CPLANE1: variants seen among roughly 807,000 people sequenced by gnomAD.
CPLANE1 encodes ciliogenesis and planar polarity effector 1.
In CPLANE1, 263 loss-of-function variants were observed where a neutral mutation model predicts 362.5. That is an observed-to-expected ratio of 0.73 (90% CI 0.66 to 0.80). CPLANE1 has a LOEUF of 0.80. CPLANE1 is among the 30% of genes least tolerant of loss of function. The pLI, the probability that CPLANE1 is intolerant of heterozygous loss-of-function variation, is 0.00. For missense variants in CPLANE1, 3,461 were observed against 3,793.4 expected (o/e 0.91, Z 2.30); for synonymous variants, 1,212 against 1,302.6 (o/e 0.93, Z 1.50).
At chr5:37,175,860 T>C (rs1352393811) in intron 31 of CPLANE1, 49 bp downstream of exon 31, 1 of 1,299,470 alleles carries the variant, frequency 7.7e-7, no homozygotes, top group Non-Finnish European at 1.1e-6. Context: ...ACTCTGTGAT[T>C]TGTAAAACAC....
chr5:37,174,902 G>C (rs961204454), intron 31 of CPLANE1, among the ~76,000 whole-genome samples: 5 of 152,144 alleles, frequency 3.3e-5, no homozygotes, highest in Non-Finnish European at 7.4e-5. Context: ...GTTGCTCCTT[G>C]AGAATCATGT....
At position 37,157,396 on chromosome 5, in the gene CPLANE1, C is replaced by T. The variant is rs1467074650; in HGVS notation, c.8036G>A (p.Gly2679Glu). 2.8e-6 allele frequency: 4 copies of T among 1,439,012 alleles called. No homozygotes were observed. In the African/African-American group the frequency reaches 4.2e-5, roughly 15 times the overall value. 89.1% of individuals were successfully genotyped at this position (1,439,012 alleles called of 1,614,324 possible). A position where few individuals can be genotyped will look rare whatever the true frequency, so the allele number is the denominator to read the frequency against. ...TGTAATGCCTGCTCTCAAGCTTTTTCCATCCAGACAAGCTGGAGTTACTTC... is the reference window on the plus strand; with the variant it reads ...TGTAATGCCTGCTCTCAAGCTTTTTTCATCCAGACAAGCTGGAGTTACTTC... Reference protein sequence around the residue: ...SQEVTPACLDGKSLRAGITEV... With the variant: ...SQEVTPACLDEKSLRAGITEV... The change falls in exon 41 of 53, where the codon GGA becomes GAA. Residue 2679 changes from glycine (G) to glutamate (E), a missense_variant. Gly to Glu is a moderately conservative substitution (Grantham distance 98). Coordinates refer to ENST00000651892, the MANE Select transcript of CPLANE1 (RefSeq NM_001384732.1).
chr5:37,217,745 G>T (rs1039001511), intron 15 of CPLANE1, among the ~76,000 whole-genome samples: 2 of 151,938 alleles, frequency 1.3e-5, no homozygotes, highest in African/African-American at 2.4e-5. Context: ...GGGAGGCCGA[G>T]GGGGGAGGAT....
chr5:37,153,777 A>G lies in CPLANE1; in HGVS notation c.8336T>C (p.Phe2779Ser). The change falls in exon 42 of 53, where the codon TTC becomes TCC. Residue 2779 changes from phenylalanine (F) to serine (S), a missense_variant. Transcript: ENST00000651892. ...TAGATCTAGCATTTCAGGCTTGGGG[A>G]AATCCTGTTCTATGTTTTCAGCAAT... Reference protein sequence around the residue: ...QNIAENIEQDFPKPEMLDLHC... With the variant: ...QNIAENIEQDSPKPEMLDLHC... 2 of 1,613,110 alleles carry G rather than the reference A, an allele frequency of 1.2e-6. No homozygotes were observed. Among genetic ancestry groups the G allele is most frequent in the Non-Finnish European group, 1.7e-6 (2 of 1,179,452 alleles).
intron 42 of CPLANE1, among the ~76,000 whole-genome samples, chr5:37,151,078 A>C (rs1204266934): frequency 6.6e-6 from 1 of 152,134 alleles, no homozygotes; most frequent in East Asian, 1.9e-4. Flanking sequence ...AGAAAATCCC[A>C]ATCGCTTGAC....
At position 37,116,485 on chromosome 5, in the gene CPLANE1, C is replaced by CAA. The variant is rs70976277; in HGVS notation, c.9311-1438_9311-1437dup. The stretch of plus-strand genomic sequence containing the variant: ...TGGGTGACAGAGCAAGACTCTGCCT[C>CAA]AAAAAAAAAAAAAAAAAAAAAAAAA... On this transcript the variant is annotated intron_variant, in intron 50 of 52. Transcript: ENST00000651892. 1.8e-3 allele frequency among the ~76,000 whole-genome samples: 46 copies of CAA among 25,950 alleles called. 1 individual carries two copies. Among genetic ancestry groups the CAA allele is most frequent in the South Asian group, 2.7e-3 (1 of 370 alleles). 17.0% of individuals were successfully genotyped at this position (25,950 alleles called of 152,430 possible).
chr5:37,245,837 TTC>T lies in CPLANE1; in HGVS notation c.88_89del (p.Glu30SerfsTer7). 6.6e-7 allele frequency: 1 copy of T among 1,513,146 alleles called. No individual in the cohort carries two copies. Among genetic ancestry groups the T allele is most frequent in the Admixed American group, 2.3e-5 (1 of 42,682 alleles). The allele number at this position is 1,513,146 out of a possible 1,614,324, so 93.7% of individuals were successfully genotyped here. ...ATTTATCATCCAAAAGAAAAACGGC[TTC>T]TTTTTCCTAAGAGAAGAAACATGTG... The part of the protein sequence containing the change: ...PRVSWLGKEK[E>X]AVFLLDDKFI... On this transcript the variant is annotated frameshift_variant, in exon 3 of 53. Coordinates refer to ENST00000651892, the MANE Select transcript of CPLANE1 (RefSeq NM_001384732.1).
chr5:37,211,756 T>C (rs1792673407), intron 16 of CPLANE1: 4 of 785,996 alleles, frequency 5.1e-6, no homozygotes, highest in Admixed American at 1.7e-5. Context: ...AAAGCGGGTC[T>C]TTACTGGAGA....
At chr5:37,208,388 G>T (rs188802231) in intron 16 of CPLANE1, among the ~76,000 whole-genome samples, 256 of 152,300 alleles carry the variant, frequency 1.7e-3, no homozygotes, top group African/African-American at 5.6e-3. Context: ...TTAAGAGTTC[G>T]GCTTAGAGGC....
At chr5:37,139,235 C>T in intron 45 of CPLANE1, 105 bp downstream of exon 45, 1 of 1,138,974 alleles carries the variant, frequency 8.8e-7, no homozygotes, top group Non-Finnish European at 1.2e-6. Context: ...TCCTTTAAAC[C>T]ACAAAGATAT....
intron 30 of CPLANE1, among the ~76,000 whole-genome samples, chr5:37,176,474 A>C (rs951452691): frequency 6.6e-6 from 1 of 152,156 alleles, no homozygotes; most frequent in African/African-American, 2.4e-5. Flanking sequence ...ATCTCTAAAA[A>C]AAATACAAAA....
chr5:37,075,768 G>A, the CPLANE1 span, among the ~76,000 whole-genome samples: 8 of 152,050 alleles, frequency 5.3e-5, no homozygotes, highest in Non-Finnish European at 7.4e-5. Flanking sequence ...CCTTCTTCCC[G>A]GAATCTAGAC....
intron 21 of CPLANE1, among the ~76,000 whole-genome samples, chr5:37,190,266 T>C (rs1785154944): frequency 6.6e-6 from 1 of 151,800 alleles, no homozygotes. Context: ...AAGGAAACTT[T>C]TATAGATTAA....
rs138262901 is a variant in CPLANE1, at chr5:37,130,426, A to G, written c.8793-5017T>C. ...AAGAACCTGCATGTGAGTATCAAAGACAATGGCCAAGAACAAATTAAGAGG... is the reference window on the plus strand; with the variant it reads ...AAGAACCTGCATGTGAGTATCAAAGGCAATGGCCAAGAACAAATTAAGAGG... On this transcript the variant is annotated intron_variant, in intron 46 of 52. Transcript: ENST00000651892. 8.8e-3 allele frequency: 1,909 copies of G among 217,364 alleles called. 91 individuals are homozygous for G. Among genetic ancestry groups the G allele is most frequent in the Admixed American group, 0.075 (1,811 of 24,220 alleles). The allele number at this position is 217,364 out of a possible 1,614,324, so 13.5% of individuals were successfully genotyped here.
At chr5:37,171,114 T>G (rs1779682832) in intron 32 of CPLANE1, among the ~76,000 whole-genome samples, 1 of 152,170 alleles carries the variant, frequency 6.6e-6, no homozygotes, top group African/African-American at 2.4e-5. Flanking sequence ...CTGAGAAGTA[T>G]TTATAAGTCC....
At chr5:37,121,584 T>C in intron 49 of CPLANE1, 33 bp downstream of exon 49, 1 of 1,604,822 alleles carries the variant, frequency 6.2e-7, no homozygotes, top group South Asian at 1.1e-5. Flanking sequence ...CCTGACGTTA[T>C]CTTGCCAAAT....
Position 37,108,437 on chromosome 5 carries a change from T to G in CPLANE1, c.9435A>C (p.Thr3145=), listed in dbSNP as rs1403669345. The G allele has an allele frequency of 6.2e-7, 1 of 1,614,218 alleles. No homozygotes were observed. The highest frequency in any genetic ancestry group is 2.2e-5 in the East Asian group (1 of 44,884). The change falls in exon 52 of 53, where the codon ACA becomes ACC. Residue 3145 remains threonine (T), a synonymous_variant. Transcript: ENST00000651892. ...SNAPCHSLQH[T]KKHGSAGLAP... ...CAAGCCCAGCACTTCCATGTTTTTT[T>G]GTATGCTGCAGACTATGACACGGAG...
chr5:37,192,921 C>A (rs1786043483), intron 21 of CPLANE1, among the ~76,000 whole-genome samples: 2 of 150,954 alleles, frequency 1.3e-5, no homozygotes, highest in Non-Finnish European at 2.9e-5. Flanking sequence ...GTAATCCCAG[C>A]ACTTTGGGAG....
intron 20 of CPLANE1, among the ~76,000 whole-genome samples, chr5:37,197,099 A>G (rs1008206087): frequency 5.4e-5 from 8 of 148,794 alleles, no homozygotes; most frequent in Non-Finnish European, 1.2e-4. Flanking sequence ...TGGTGCAGGA[A>G]AAATTACCTA....
Sources: gnomAD v4.1 joint callset for allele counts (sites outside exome capture counted in the v4.1 genomes callset) on GRCh38, gnomAD v4.1.1 for gene constraint, MANE v1.5 for transcripts, NCBI Gene and HGNC (gene_info 2026-07-23, HGNC 2026-07-21) for gene names.